Variants in FABP3 observed in about 807,000 individuals in gnomAD.
The protein encoded by FABP3 is fatty acid binding protein 3.
FABP3 carries 8 observed loss-of-function variants against 13.4 expected under a neutral mutation model. The observed-to-expected ratio is 0.60, with a 90% CI of 0.35 to 1.07. The LOEUF (loss-of-function observed/expected upper bound fraction) is 1.07. Among genes scored for constraint, FABP3 ranks in the 50% least tolerant of loss-of-function variants. FABP3 has a pLI of 0.02. For synonymous variants in FABP3, 64 were observed against 60.0 expected (o/e 1.07, Z -0.31); for missense variants, 135 against 164.7 (o/e 0.82, Z 0.99).
Position 31,369,433 on chromosome 1 carries a change from C to T in FABP3, c.198G>A (p.Lys66=). The change falls in exon 2 of 4, where the codon AAG becomes AAA. Residue 66 remains lysine (K), a synonymous_variant. Transcript: ENST00000373713. ...TTGTCTCATCGAACTCCACCCCCAA[C>T]TTAAAGCTGATCTCTGTGTTCTTGA... ...STFKNTEISF[K]LGVEFDETTA... The T allele has an allele frequency of 1.2e-6, 2 of 1,614,186 alleles. No individual in the cohort carries two copies. Among genetic ancestry groups the T allele is most frequent in the South Asian group, 2.2e-5 (2 of 91,074 alleles).
intron 1 of FABP3, among the ~76,000 whole-genome samples, chr1:31,370,541 G>C (rs1276093467): frequency 6.6e-6 from 1 of 152,176 alleles, no homozygotes; most frequent in Admixed American, 6.5e-5. Flanking sequence ...CTATGATCTA[G>C]GAGTTAGGTA....
chr1:31,364,140 G>A, downstream of FABP3: 1 of 1,613,890 alleles, frequency 6.2e-7, no homozygotes, highest in Non-Finnish European at 8.5e-7. Flanking sequence ...AGACAGCAAG[G>A]CAGCAAAGAA....
At position 31,365,852 on chromosome 1, in the gene FABP3, T is replaced by C. The variant is rs1640097884; in HGVS notation, c.*34A>G. On this transcript the variant is annotated 3_prime_UTR_variant, in exon 4 of 4. Transcript: ENST00000373713. ...GGTGCTGAGTCGAGGGGTAGCCGAT[T>C]GGCAGAGTAGTAGTCAGCAACAGTG... 1 of 1,605,658 alleles carries C rather than the reference T, an allele frequency of 6.2e-7. No homozygotes were observed. Among genetic ancestry groups the C allele is most frequent in the African/African-American group, 1.3e-5 (1 of 74,852 alleles).
chr1:31,365,603 G>GGATAAAC lies in FABP3; in HGVS notation c.*276_*282dup. The GGATAAAC allele has an allele frequency of 2.5e-6, 1 of 396,706 alleles. No homozygotes were observed. The highest frequency in any genetic ancestry group is 2.0e-5 in the African/African-American group (1 of 49,138). 24.6% of individuals were successfully genotyped at this position (396,706 alleles called of 1,614,324 possible). Reference sequence around the variant, plus strand: ...ATTTCTGCCCACTCTCTGACACACAGGATAAACCAAGACTCCCAGAGTTAT... The same window carrying GGATAAAC: ...ATTTCTGCCCACTCTCTGACACACAGGATAAACGATAAACCAAGACTCCCAGAGTTAT... On this transcript the variant is annotated 3_prime_UTR_variant, in exon 4 of 4. Transcript: ENST00000373713.
chr1:31,363,129 T>A (rs1159306859), downstream of FABP3, among the ~76,000 whole-genome samples: 1 of 152,176 alleles, frequency 6.6e-6, no homozygotes, highest in Non-Finnish European at 1.5e-5. Context: ...GTTTTAGCTA[T>A]TTTTTTCTTG....
chr1:31,363,859 T>A (rs1188094349), downstream of FABP3, among the ~76,000 whole-genome samples: 1 of 152,124 alleles, frequency 6.6e-6, no homozygotes, highest in African/African-American at 2.4e-5. Context: ...GATGAGATCT[T>A]GCTATGTTAG....
At chr1:31,362,738 T>C (rs1331567857), downstream of FABP3, among the ~76,000 whole-genome samples, 1 of 152,218 alleles carries the variant, frequency 6.6e-6, no homozygotes, top group Non-Finnish European at 1.5e-5. Flanking sequence ...TTTACTCCTA[T>C]TCTTTGACCT....
intron 3 of FABP3, among the ~76,000 whole-genome samples, 192 bp from the exon 4 acceptor site, chr1:31,366,131 A>G (rs1477019390): frequency 6.6e-6 from 1 of 151,556 alleles, no homozygotes; most frequent in Non-Finnish European, 1.5e-5. Context: ...TCTGATATGC[A>G]CAGCAAATCC....
intron 1 of FABP3, among the ~76,000 whole-genome samples, chr1:31,371,104 C>T (rs959755188): frequency 6.6e-6 from 1 of 152,250 alleles, no homozygotes; most frequent in African/African-American, 2.4e-5. Context: ...TCCAGGCCAG[C>T]AGTTGTGCCT....
At position 31,373,015 on chromosome 1, in the gene FABP3, A is replaced by G. The variant is rs2148497267; in HGVS notation, c.-1T>C. The G allele has an allele frequency of 6.2e-6, 10 of 1,613,896 alleles. No individual in the cohort carries two copies. Among genetic ancestry groups the G allele is most frequent in the South Asian group, 1.1e-5 (1 of 91,084 alleles). On this transcript the variant is annotated 5_prime_UTR_variant, in exon 1 of 4. Transcript: ENST00000373713. The stretch of plus-strand genomic sequence containing the variant: ...AGGTGCCCAGGAAAGCGTCCACCAT[A>G]GTGATGCTGGGCTAGGCTGAGAGAA...
chr1:31,363,917 C>A, downstream of FABP3: 3 of 1,440,036 alleles, frequency 2.1e-6, no homozygotes, highest in Non-Finnish European at 2.7e-6. Flanking sequence ...CCCACCTCGG[C>A]TTCCCAAAGT....
Position 31,372,955 on chromosome 1 carries a change from G to A in FABP3, c.60C>T (p.Tyr20=). 6.2e-7 allele frequency: 1 copy of A among 1,613,640 alleles called. No individual in the cohort carries two copies. The highest frequency in any genetic ancestry group is 8.5e-7 in the Non-Finnish European group (1 of 1,179,998). The change falls in exon 1 of 4, where the codon TAC becomes TAT. Residue 20 remains tyrosine, a synonymous_variant. Transcript: ENST00000373713. ...CGGCTTGCTCACCGAGTGACTTCAT[G>A]TAGTCATCGAAATTCTTGCTGTCCA... The part of the protein sequence containing the change: ...KLVDSKNFDD[Y]MKSLGVGFAT...
chr1:31,360,785 A>G (rs1242411641), downstream of FABP3, among the ~76,000 whole-genome samples: 1 of 152,216 alleles, frequency 6.6e-6, no homozygotes, highest in East Asian at 1.9e-4. Context: ...TTGCCGCTTT[A>G]GCCTTGGTCG....
chr1:31,363,065 T>C (rs1639979764), downstream of FABP3, among the ~76,000 whole-genome samples: 1 of 152,238 alleles, frequency 6.6e-6, no homozygotes, highest in Admixed American at 6.5e-5. Context: ...ATGTATATGT[T>C]ATACGCACTG....
At chr1:31,364,462 T>G, downstream of FABP3, 1 of 506,624 alleles carries the variant, frequency 2.0e-6, no homozygotes, top group South Asian at 3.8e-5. Flanking sequence ...CTTCCTTCAT[T>G]CAGCAGGAGG....
chr1:31,364,364 A>C, downstream of FABP3: 1 of 1,207,462 alleles, frequency 8.3e-7, no homozygotes, highest in Non-Finnish European at 1.1e-6. Flanking sequence ...TAGAGGTCAA[A>C]AGCAGCTGCC....
intron 1 of FABP3, 145 bp downstream of exon 1, chr1:31,372,797 C>T (rs1238677811): frequency 1.3e-6 from 1 of 760,876 alleles, no homozygotes; most frequent in Non-Finnish European, 2.2e-6. Context: ...GAACAGGCCC[C>T]ACCTGCTCTA....
chr1:31,370,678 A>T (rs1240218777), intron 1 of FABP3, among the ~76,000 whole-genome samples: 1 of 152,188 alleles, frequency 6.6e-6, no homozygotes, highest in Non-Finnish European at 1.5e-5. Context: ...TTCCTGACCC[A>T]AGCATGGCTT....
Position 31,373,017 on chromosome 1 carries a change from T to C in FABP3, c.-3A>G, listed in dbSNP as rs143544654. ...GTGCCCAGGAAAGCGTCCACCATAG[T>C]GATGCTGGGCTAGGCTGAGAGAAGC... On this transcript the variant is annotated 5_prime_UTR_variant, in exon 1 of 4. Coordinates refer to ENST00000373713, the MANE Select transcript of FABP3 (RefSeq NM_004102.5). 4,236 of 1,613,746 alleles carry C rather than the reference T, an allele frequency of 2.6e-3. 94 individuals carry two copies. The African/African-American group carries it at 0.047, about 18-fold the overall frequency.
Sources: allele counts gnomAD v4.1 joint callset (sites outside exome capture counted in the v4.1 genomes callset), GRCh38; gene constraint gnomAD v4.1.1; transcripts MANE v1.5; gene names NCBI Gene and HGNC (gene_info 2026-07-23, HGNC 2026-07-21).